PRICKLE2: variants seen among roughly 807,000 people sequenced by gnomAD.
The protein encoded by PRICKLE2 is prickle-like protein 2.
In PRICKLE2, 21 loss-of-function variants were observed where a neutral mutation model predicts 81.4. The observed-to-expected ratio is 0.26, with a 90% CI of 0.18 to 0.37. The LOEUF (loss-of-function observed/expected upper bound fraction) is 0.37, where lower values mean the gene tolerates loss of function less well. Ranked by LOEUF, PRICKLE2 falls within the 10% of genes least tolerant of loss-of-function variation. PRICKLE2 has a pLI of 1.00. For missense variants in PRICKLE2, 940 were observed against 1,109.0 expected (o/e 0.85, Z 2.16); for synonymous variants, 456 against 421.5 (o/e 1.08, Z -1.00).
upstream of PRICKLE2, among the ~76,000 whole-genome samples, chr3:64,229,296 G>C (rs900755222): frequency 6.6e-6 from 1 of 152,176 alleles, no homozygotes; most frequent in Non-Finnish European, 1.5e-5. Flanking sequence ...CTTGTTAGAG[G>C]ATTACAGGGA....
intron 2 of PRICKLE2, among the ~76,000 whole-genome samples, chr3:64,233,676 G>C (rs2079138038): frequency 6.6e-6 from 1 of 152,108 alleles, no homozygotes; most frequent in South Asian, 2.1e-4. Context: ...TTTCTCCTTA[G>C]ATCCTTTTAA....
intron 6 of PRICKLE2, among the ~76,000 whole-genome samples, 176 bp downstream of exon 6, chr3:64,153,006 T>C (rs2077571401): frequency 6.6e-6 from 1 of 152,196 alleles, no homozygotes; most frequent in Non-Finnish European, 1.5e-5. Context: ...CACCCCTATC[T>C]GAAGCTAGTA....
At chr3:64,144,230 G>C (rs1339809809) in intron 7 of PRICKLE2, among the ~76,000 whole-genome samples, 1 of 152,198 alleles carries the variant, frequency 6.6e-6, no homozygotes, top group Non-Finnish European at 1.5e-5. Context: ...TTAAGAGCAA[G>C]GTTCTGAAAT....
chr3:64,218,497 G>A (rs750022025), intron 1 of PRICKLE2, among the ~76,000 whole-genome samples: 65 of 152,122 alleles, frequency 4.3e-4, no homozygotes, highest in Non-Finnish European at 8.1e-4. Flanking sequence ...GTGTGACCTC[G>A]GTCAAGTTAT....
At chr3:64,172,900 G>A (rs1168221449) in intron 2 of PRICKLE2, among the ~76,000 whole-genome samples, 2 of 152,184 alleles carry the variant, frequency 1.3e-5, no homozygotes, top group African/African-American at 4.8e-5. Flanking sequence ...AGGAAGAAAA[G>A]CCTCACCAGA....
intron 5 of PRICKLE2, 92 bp from the exon 6 acceptor site, chr3:64,153,460 G>T: frequency 8.1e-7 from 1 of 1,229,134 alleles, no homozygotes; most frequent in Non-Finnish European, 1.2e-6. Context: ...AACTAGAAGG[G>T]TAAGAAAGCA....
chr3:64,157,492 T>G, intron 4 of PRICKLE2, 127 bp from the exon 5 acceptor site: 4 of 966,872 alleles, frequency 4.1e-6, no homozygotes, highest in Non-Finnish European at 6.4e-6. Flanking sequence ...TCACTATGCT[T>G]CCTGCTTTAC....
rs372225003 is a variant in PRICKLE2 at position 64,146,832 on chromosome 3, G to A, written c.1658C>T (p.Thr553Ile). The change falls in exon 7 of 8, where the codon ACA becomes ATA. Residue 553 changes from threonine to isoleucine, a missense_variant and splice_region_variant. Around this residue, in one of 2 missense-constraint regions of PRICKLE2, gnomAD observed 670 missense variants for 717.2 expected, o/e 0.93. Coordinates refer to ENST00000638394, the MANE Select transcript of PRICKLE2 (RefSeq NM_198859.4). Reference protein sequence around the residue: ...SMESLALSNATGLSADGGAKR... With the variant: ...SMESLALSNAIGLSADGGAKR... ...TTTTCAAGGTGAACAGAACCTACCT[G>A]TTGCATTAGACAGGGCCAGGGATTC... 4.3e-6 allele frequency: 7 copies of A among 1,613,956 alleles called. No individual in the cohort carries two copies. The highest frequency in any genetic ancestry group is 4.2e-6 in the Non-Finnish European group (5 of 1,180,020).
At chr3:64,263,552 G>A (rs1048738587) in intron 2 of PRICKLE2, among the ~76,000 whole-genome samples, 1 of 152,136 alleles carries the variant, frequency 6.6e-6, no homozygotes, top group Admixed American at 6.5e-5. Context: ...CAGAATGGGG[G>A]GATATACAGA....
Position 64,248,644 on chromosome 3 carries a change from A to C in PRICKLE2, c.129-49677T>G, listed in dbSNP as rs555951466. Among the ~76,000 whole-genome samples, 11 of 149,798 alleles carry C rather than the reference A, an allele frequency of 7.3e-5. No individual in the cohort carries two copies. In the South Asian group the frequency reaches 2.1e-3, roughly 29 times the overall value. On this transcript the variant is annotated intron_variant, in intron 2 of 8. Coordinates refer to the PRICKLE2 transcript ENST00000295902. ...ATTTGATATCATATATTTAAACAAA[A>C]CAAAACCAAAACCAAAAAAAACAAA...
intron 7 of PRICKLE2, among the ~76,000 whole-genome samples, chr3:64,125,556 A>G (rs559014949): frequency 1.1e-3 from 170 of 152,360 alleles, no homozygotes; most frequent in Non-Finnish European, 1.7e-3. Flanking sequence ...GTCAGCAGCC[A>G]ACAATATGGA....
At chr3:64,125,692 T>C (rs1211631746) in intron 7 of PRICKLE2, among the ~76,000 whole-genome samples, 1 of 152,254 alleles carries the variant, frequency 6.6e-6, no homozygotes, top group African/African-American at 2.4e-5. Flanking sequence ...GCACACTTAA[T>C]AGACTACAGT....
intron 2 of PRICKLE2, among the ~76,000 whole-genome samples, chr3:64,246,625 G>A (rs536856871): frequency 9.6e-4 from 146 of 152,280 alleles, no homozygotes; most frequent in Non-Finnish European, 1.7e-3. Flanking sequence ...GTTTTTCAGC[G>A]AGTCTGAGGT....
At chr3:64,247,680 A>T (rs1281252624) in intron 2 of PRICKLE2, among the ~76,000 whole-genome samples, 1 of 152,144 alleles carries the variant, frequency 6.6e-6, no homozygotes, top group Non-Finnish European at 1.5e-5. Flanking sequence ...AACTTAAACA[A>T]CCTGGGCTAT....
chr3:64,264,221 T>A (rs1191015008), intron 2 of PRICKLE2, among the ~76,000 whole-genome samples: 1 of 152,086 alleles, frequency 6.6e-6, no homozygotes, highest in Non-Finnish European at 1.5e-5. Context: ...TTACCAAACC[T>A]CTTTGAGCTT....
intron 7 of PRICKLE2, among the ~76,000 whole-genome samples, chr3:64,120,188 C>T (rs1049062110): frequency 3.3e-5 from 5 of 152,076 alleles, no homozygotes; most frequent in African/African-American, 1.2e-4. Flanking sequence ...TGCACATGTA[C>T]CCCCTGAATC....
intron 2 of PRICKLE2, among the ~76,000 whole-genome samples, chr3:64,267,727 A>C (rs2079732234): frequency 6.6e-6 from 1 of 152,194 alleles, no homozygotes; most frequent in African/African-American, 2.4e-5. Flanking sequence ...TCAGTTCACC[A>C]GGTCCCCACC....
intron 2 of PRICKLE2, among the ~76,000 whole-genome samples, chr3:64,256,499 C>T (rs892425159): frequency 1.3e-5 from 2 of 152,116 alleles, no homozygotes; most frequent in Non-Finnish European, 2.9e-5. Flanking sequence ...CTATTTGGCT[C>T]TACACAGAAA....
At chr3:64,104,863 G>C (rs2076729632) in intron 7 of PRICKLE2, 1 of 152,190 alleles carries the variant, frequency 6.6e-6, no homozygotes, top group Admixed American at 6.5e-5. Flanking sequence ...CTTGCATGCA[G>C]GGCATGAACA....
Sources: gnomAD v4.1 joint callset for allele counts (sites outside exome capture counted in the v4.1 genomes callset) on GRCh38, gnomAD v4.1.1 for gene constraint, gnomAD v4.1.1 regional missense constraint, MANE v1.5 for transcripts, NCBI Gene and HGNC (gene_info 2026-07-23, HGNC 2026-07-21) for gene names.